Variants in ZFHX3 observed in about 807,000 individuals in gnomAD.
The protein encoded by ZFHX3 is zinc finger homeobox protein 3.
A neutral mutation model predicts 279.1 loss-of-function variants in ZFHX3; 42 were observed. The ratio of observed to expected loss-of-function variants is 0.15; its 90% CI spans 0.12 to 0.19. The LOEUF is 0.19. Among genes scored for constraint, ZFHX3 ranks in the 10% least tolerant of loss-of-function variants. The probability of loss-of-function intolerance (pLI) is 1.00; values close to 1 mark genes in which losing one functional copy is unlikely to be tolerated. For missense variants in ZFHX3, 4,981 were observed against 4,754.0 expected (o/e 1.05, Z -1.40); for synonymous variants, 2,293 against 1,957.8 (o/e 1.17, Z -4.52).
chr16:72,934,904 C>T (rs149669397), intron 3 of ZFHX3, among the ~76,000 whole-genome samples: 117 of 152,232 alleles, frequency 7.7e-4, no homozygotes, highest in Admixed American at 1.5e-3. Context: ...CGCTGGATTA[C>T]GAAATCAGGA....
chr16:73,812,186 G>A (rs1437071987), intron 1 of ZFHX3, among the ~76,000 whole-genome samples: 3 of 152,226 alleles, frequency 2.0e-5, no homozygotes, highest in East Asian at 3.9e-4. Flanking sequence ...TATTCTCTAG[G>A]TACGAATTTC....
intron 8 of ZFHX3, among the ~76,000 whole-genome samples, chr16:73,084,313 G>C (rs1965983747): frequency 6.6e-6 from 1 of 152,140 alleles, no homozygotes; most frequent in Non-Finnish European, 1.5e-5. Flanking sequence ...ATTACTGTTT[G>C]TAGATGACCT....
chr16:73,703,036 C>T (rs561983687), intron 1 of ZFHX3, among the ~76,000 whole-genome samples: 1 of 152,166 alleles, frequency 6.6e-6, no homozygotes, highest in Admixed American at 6.5e-5. Flanking sequence ...TGAGAGCAAA[C>T]AGAAAACAAA....
rs201697940 is a variant in ZFHX3, at chr16:73,682,922, A to AAG, written c.-1607-2684_-1607-2683dup. On this transcript the variant is annotated intron_variant, in intron 1 of 17. Transcript: ENST00000641206. Reference sequence around the variant, plus strand: ...AGAAAGAAAGAGAAAGAAAGAGAGAAAGAGAAAGAAAGAAAGAAAGAAAGA... The same window carrying AAG: ...AGAAAGAAAGAGAAAGAAAGAGAGAAAGAGAGAAAGAAAGAAAGAAAGAAAGA... Among the ~76,000 whole-genome samples the AAG allele has an allele frequency of 8.6e-3, 477 of 55,452 alleles. 46 individuals carry two copies. Among genetic ancestry groups the AAG allele is most frequent in the South Asian group, 0.023 (33 of 1,408 alleles). The allele number at this position is 55,452 out of a possible 152,430, so 36.4% of individuals were successfully genotyped here. A position where few individuals can be genotyped will look rare whatever the true frequency, so the allele number is the denominator to read the frequency against.
intron 2 of ZFHX3, among the ~76,000 whole-genome samples, chr16:73,616,688 A>C (rs187960302): frequency 6.6e-6 from 1 of 152,276 alleles, no homozygotes; most frequent in African/African-American, 2.4e-5. Context: ...AAAGAAAGAA[A>C]GAATGGGAAA....
intron 1 of ZFHX3, among the ~76,000 whole-genome samples, chr16:73,856,957 G>T (rs992258048): frequency 1.3e-5 from 2 of 152,232 alleles, no homozygotes; most frequent in Admixed American, 6.5e-5. Flanking sequence ...AACGTGAAAT[G>T]AACTCAAGCC....
At chr16:73,594,942 T>C (rs558115545) in intron 2 of ZFHX3, among the ~76,000 whole-genome samples, 1 of 152,302 alleles carries the variant, frequency 6.6e-6, no homozygotes, top group African/African-American at 2.4e-5. Flanking sequence ...AGTGTTCTTA[T>C]AACTCAGGTA....
At chr16:73,250,862 AT>A (rs1296217842) in intron 5 of ZFHX3, among the ~76,000 whole-genome samples, 1 of 152,014 alleles carries the variant, frequency 6.6e-6, no homozygotes, top group Non-Finnish European at 1.5e-5. Flanking sequence ...TAATATGTGA[AT>A]TGTTAGAGTC....
At chr16:73,702,101 G>A (rs924567823) in intron 1 of ZFHX3, among the ~76,000 whole-genome samples, 1 of 152,088 alleles carries the variant, frequency 6.6e-6, no homozygotes, top group Non-Finnish European at 1.5e-5. Context: ...CAGTGTTGCC[G>A]TGAGCAGCAA....
At chr16:73,824,523 G>T (rs1597132572) in intron 1 of ZFHX3, among the ~76,000 whole-genome samples, 1 of 112,910 alleles carries the variant, frequency 8.9e-6, no homozygotes, top group Admixed American at 9.1e-5. Flanking sequence ...CTAGCATTAG[G>T]TATATCTCCC....
intron 5 of ZFHX3, among the ~76,000 whole-genome samples, chr16:73,227,189 T>C (rs1005573478): frequency 3.6e-4 from 55 of 152,278 alleles, no homozygotes; most frequent in African/African-American, 1.1e-3. Context: ...AATGAGGAGA[T>C]AATAAAGTAA....
chr16:72,880,063 T>C (rs554292115), intron 4 of ZFHX3, among the ~76,000 whole-genome samples: 1 of 152,152 alleles, frequency 6.6e-6, no homozygotes, highest in Admixed American at 6.5e-5. Context: ...GTTAATCCCA[T>C]GCCAAGGCCA....
chr16:73,289,305 C>T (rs1026855711), intron 4 of ZFHX3, among the ~76,000 whole-genome samples: 9 of 151,824 alleles, frequency 5.9e-5, no homozygotes, highest in East Asian at 2.0e-4. Flanking sequence ...TGTGTGTGTT[C>T]CTGCTCCAGC....
At chr16:73,676,895 T>TCAA (rs751561259) in intron 2 of ZFHX3, among the ~76,000 whole-genome samples, 1 of 152,082 alleles carries the variant, frequency 6.6e-6, no homozygotes. Flanking sequence ...GGAATACAAT[T>TCAA]CAACACAAAT....
At chr16:73,116,143 G>A (rs1271564608) in intron 7 of ZFHX3, among the ~76,000 whole-genome samples, 1 of 150,770 alleles carries the variant, frequency 6.6e-6, no homozygotes, top group Non-Finnish European at 1.5e-5. Context: ...AAAAAATGTT[G>A]CTCTCTGCTT....
chr16:72,853,065 A>G (rs555494385), intron 4 of ZFHX3, among the ~76,000 whole-genome samples: 1 of 152,324 alleles, frequency 6.6e-6, no homozygotes, highest in African/African-American at 2.4e-5. Context: ...CTTGGACAAG[A>G]AAATCACCTC....
intron 2 of ZFHX3, among the ~76,000 whole-genome samples, chr16:73,637,191 T>C (rs1168140135): frequency 1.3e-5 from 2 of 151,646 alleles, no homozygotes; most frequent in Non-Finnish European, 2.9e-5. Flanking sequence ...ACAGACTAAT[T>C]GGGAGAAAAT....
chr16:73,667,226 G>A lies in ZFHX3; in HGVS notation c.-1547+12954C>T, dbSNP rs201353959. Reference sequence around the variant, plus strand: ...AGACTGGTCTCGAACTCTTGACCTTGTGATCCACCCGCCTCAGCCTCCCAA... The same window carrying A: ...AGACTGGTCTCGAACTCTTGACCTTATGATCCACCCGCCTCAGCCTCCCAA... On this transcript the variant is annotated intron_variant, in intron 2 of 17. Coordinates refer to the ZFHX3 transcript ENST00000641206. Among the ~76,000 whole-genome samples, 73 of 152,240 alleles carry A rather than the reference G, an allele frequency of 4.8e-4. 4 individuals carry two copies. The East Asian group carries it at 8.3e-3, about 17-fold the overall frequency.
intron 5 of ZFHX3, among the ~76,000 whole-genome samples, chr16:73,162,575 T>C (rs1967264762): frequency 6.6e-6 from 1 of 152,170 alleles, no homozygotes; most frequent in South Asian, 2.1e-4. Context: ...TATTCCAATG[T>C]CATAATTATA....
Sources: gnomAD v4.1 joint callset for allele counts (sites outside exome capture counted in the v4.1 genomes callset) on GRCh38, gnomAD v4.1.1 for gene constraint, MANE v1.5 for transcripts, NCBI Gene and HGNC (gene_info 2026-07-23, HGNC 2026-07-21) for gene names.